The following ESYT2 variants were observed in gnomAD, a reference collection of about 807,000 sequenced individuals.
The protein encoded by ESYT2 is extended synaptotagmin 2.
ESYT2 carries 54 observed loss-of-function variants against 107.2 expected under a neutral mutation model. That is an observed-to-expected ratio of 0.50 (90% CI 0.40 to 0.63). The LOEUF (loss-of-function observed/expected upper bound fraction) is 0.63, where lower values mean the gene tolerates loss of function less well. ESYT2 is among the 30% of genes least tolerant of loss of function. The pLI, the probability that ESYT2 is intolerant of heterozygous loss-of-function variation, is 0.00. For synonymous variants in ESYT2, 491 were observed against 434.1 expected, an observed-to-expected ratio of 1.13 and a Z score of -1.63; for missense variants, 1,020 against 1,094.5, an observed-to-expected ratio of 0.93 and a Z score of 0.96.
Position 158,752,808 on chromosome 7 carries a change from C to T in ESYT2, c.1455G>A (p.Lys485=), listed in dbSNP as rs1245308953. ...TTAAAGCTCTCTGAACTGCAGTCTT[C>T]TTCAAGACATCGGGGTTAAATTCTA... ...NPLEFNPDVL[K]KTAVQRALKS... Residue 485 remains lysine, a synonymous_variant, in exon 14 of 23, where the codon AAG becomes AAA. Transcript: ENST00000275418. 3 of 1,304,184 alleles carry T rather than the reference C, an allele frequency of 2.3e-6. No homozygotes were observed. In the South Asian group the frequency reaches 3.7e-5, roughly 16 times the overall value. 80.8% of individuals were successfully genotyped at this position (1,304,184 alleles called of 1,614,324 possible).
intron 18 of ESYT2, among the ~76,000 whole-genome samples, chr7:158,739,918 A>AT (rs1241069821): frequency 7.1e-6 from 1 of 140,820 alleles, no homozygotes; most frequent in Non-Finnish European, 1.5e-5. Flanking sequence ...ACCTGGGGCC[A>AT]TGCCAGGCAA....
chr7:158,829,170 G>A lies in ESYT2; in HGVS notation c.249C>T (p.Arg83=). The change falls in exon 1 of 23, where the codon CGC becomes CGT. Residue 83 remains arginine, a synonymous_variant. Transcript: ENST00000275418. ...CRRSRGLKAL[R]LCRALALLED... is the part of the protein sequence containing the mutation. Reference sequence around the variant, plus strand: ...CCAGCAGCGCCAGCGCGCGGCACAGGCGCAGGGCCTTGAGGCCGCGGCTGC... The same window carrying A: ...CCAGCAGCGCCAGCGCGCGGCACAGACGCAGGGCCTTGAGGCCGCGGCTGC... The A allele has an allele frequency of 1.9e-6, 3 of 1,548,908 alleles. No individual in the cohort carries two copies. Among genetic ancestry groups the A allele is most frequent in the Non-Finnish European group, 2.6e-6 (3 of 1,156,060 alleles).
At position 158,764,809 on chromosome 7, in the gene ESYT2, C is replaced by G; in HGVS notation, c.969G>C (p.Gly323=). Residue 323 remains glycine (G), a synonymous_variant, in exon 9 of 23, where the codon GGG becomes GGC. Coordinates refer to ENST00000275418, the MANE Select transcript of ESYT2 (RefSeq NM_001367773.1). The part of the protein sequence containing the change: ...IHFIEAQDLQ[G]KDTYLKGLVK... ...CAAGTCCCTTAAGGTAAGTGTCTTT[C>G]CCCTGAAGATCCTGAGCTTCAATAA... 1 of 1,614,154 alleles carries G rather than the reference C, an allele frequency of 6.2e-7. No homozygotes were observed. Among genetic ancestry groups the G allele is most frequent in the Non-Finnish European group, 8.5e-7 (1 of 1,180,024 alleles).
At chr7:158,749,560 T>C in intron 15 of ESYT2, 89 bp downstream of exon 15, 1 of 1,250,650 alleles carries the variant, frequency 8.0e-7, no homozygotes, top group Non-Finnish European at 1.1e-6. Context: ...ACTGAATGTA[T>C]TTGCAACCCG....
At chr7:158,741,375 C>G in intron 18 of ESYT2, 148 bp downstream of exon 18, 2 of 1,193,424 alleles carry the variant, frequency 1.7e-6, no homozygotes, top group Non-Finnish European at 2.3e-6. Context: ...GCAACACAAC[C>G]TGAAGTGCTT....
In ESYT2 at chr7:158,763,148, A is replaced by T. The variant is rs777373711; in HGVS notation, c.1119T>A (p.His373Gln). Residue 373 changes from histidine to glutamine, a missense_variant, in exon 10 of 23, where the codon CAT (histidine) becomes CAA (glutamine). His to Gln is a conservative substitution (Grantham distance 24). Coordinates refer to ENST00000275418, the MANE Select transcript of ESYT2 (RefSeq NM_001367773.1). ...NEVYEALVYE[H>Q]PGQELEIELF... ...GCTCAATCTCTAATTCTTGTCCAGG[A>T]TGTTCATACACTAAAGCCTAAAACA... 1.9e-6 allele frequency: 3 copies of T among 1,612,876 alleles called. No individual in the cohort carries two copies. In the East Asian group the frequency reaches 6.7e-5, roughly 36 times the overall value.
At position 158,812,657 on chromosome 7, in the gene ESYT2, A is replaced by G. The variant is rs192988421; in HGVS notation, c.331-13585T>C. 9.8e-5 allele frequency among the ~76,000 whole-genome samples: 15 copies of G among 152,360 alleles called. No homozygotes were observed. In the East Asian group the frequency reaches 2.7e-3, roughly 27 times the overall value. On this transcript the variant is annotated intron_variant, in intron 1 of 22. Transcript: ENST00000275418. ...AAACGTGTACATGAATGTTCATCGC[A>G]GCACCATTCAAAACAGCCAAAAGGT...
At chr7:158,802,408 G>A (rs1013853298) in intron 1 of ESYT2, among the ~76,000 whole-genome samples, 2 of 152,072 alleles carry the variant, frequency 1.3e-5, no homozygotes, top group Admixed American at 6.6e-5. Context: ...TGCCTCTCGA[G>A]TAGCTGGGAC....
At chr7:158,774,059 G>A (rs1254397346) in intron 6 of ESYT2, among the ~76,000 whole-genome samples, 1 of 152,232 alleles carries the variant, frequency 6.6e-6, no homozygotes, top group Admixed American at 6.5e-5. Context: ...TTAAGTAGAT[G>A]TGGGTTGATG....
chr7:158,797,893 C>A, intron 3 of ESYT2, 49 bp downstream of exon 3: 1 of 1,565,186 alleles, frequency 6.4e-7, no homozygotes, highest in Admixed American at 2.1e-5. Context: ...TTTGTGTTTT[C>A]ACAGCAATCT....
chr7:158,762,344 C>T (rs957636324), intron 10 of ESYT2, among the ~76,000 whole-genome samples: 2 of 152,128 alleles, frequency 1.3e-5, no homozygotes, highest in African/African-American at 4.8e-5. Context: ...AGAATGAGCA[C>T]CTGATCTATC....
intron 3 of ESYT2, among the ~76,000 whole-genome samples, chr7:158,797,274 T>C (rs931710789): frequency 2.0e-5 from 3 of 152,052 alleles, no homozygotes; most frequent in African/African-American, 4.8e-5. Context: ...CAGCCTTCTA[T>C]GTAGTTCTGA....
intron 9 of ESYT2, among the ~76,000 whole-genome samples, chr7:158,763,439 C>T (rs1419429300): frequency 6.6e-6 from 1 of 151,908 alleles, no homozygotes; most frequent in Admixed American, 6.6e-5. Context: ...GGATTACAGG[C>T]ATGTGCCACC....
rs112857465 is a variant in ESYT2 at position 158,776,333 on chromosome 7, C to T, written c.748-2937G>A. Among the ~76,000 whole-genome samples the T allele has an allele frequency of 5.0e-3, 769 of 152,288 alleles. 4 individuals are homozygous for T. Among genetic ancestry groups the T allele is most frequent in the African/African-American group, 0.018 (738 of 41,562 alleles). ...TGAAGCCTTGAAGTCAGGCACTGAC[C>T]GCTCCTCTCTAGCTGGAAAAGTTCC... On this transcript the variant is annotated intron_variant, in intron 6 of 22. Transcript: ENST00000275418.
chr7:158,792,914 G>A (rs1024679482), intron 4 of ESYT2, among the ~76,000 whole-genome samples: 17 of 151,446 alleles, frequency 1.1e-4, no homozygotes, highest in South Asian at 8.4e-4. Flanking sequence ...GACTACAGGC[G>A]CCCACCACCA....
At chr7:158,789,369 T>C (rs946139768) in intron 4 of ESYT2, among the ~76,000 whole-genome samples, 1 of 152,224 alleles carries the variant, frequency 6.6e-6, no homozygotes, top group African/African-American at 2.4e-5. Flanking sequence ...TCTTTTCTTT[T>C]TTTTTGAGAT....
intron 1 of ESYT2, among the ~76,000 whole-genome samples, chr7:158,817,146 G>A (rs997144826): frequency 2.6e-5 from 4 of 152,134 alleles, no homozygotes; most frequent in Admixed American, 1.3e-4. Flanking sequence ...GCATTCCAAA[G>A]TTAACCTGTA....
chr7:158,736,761 T>C (rs1836970155), intron 20 of ESYT2, among the ~76,000 whole-genome samples: 1 of 152,222 alleles, frequency 6.6e-6, no homozygotes, highest in South Asian at 2.1e-4. Flanking sequence ...TCAACAGATA[T>C]AACCCCCAAA....
At chr7:158,822,477 AG>A (rs1351241813) in intron 1 of ESYT2, among the ~76,000 whole-genome samples, 2 of 152,196 alleles carry the variant, frequency 1.3e-5, no homozygotes, top group African/African-American at 4.8e-5. Flanking sequence ...AGGGACTATT[AG>A]AGGCCCGAGG....
Sources: allele counts gnomAD v4.1 joint callset (sites outside exome capture counted in the v4.1 genomes callset), GRCh38; gene constraint gnomAD v4.1.1; transcripts MANE v1.5; gene names NCBI Gene and HGNC (gene_info 2026-07-23, HGNC 2026-07-21).